The following SPATA6 variants were observed in gnomAD, a reference collection of about 807,000 sequenced individuals.
The protein encoded by SPATA6 is spermatogenesis-associated protein 6.
SPATA6 carries 56 observed loss-of-function variants against 65.3 expected under a neutral mutation model. The ratio of observed to expected loss-of-function variants is 0.86; its 90% confidence interval spans 0.69 to 1.07. The LOEUF is 1.07. Among genes scored for constraint, SPATA6 ranks in the 50% least tolerant of loss-of-function variants. SPATA6 has a pLI of 0.00. For synonymous variants in SPATA6, 199 were observed against 213.2 expected, an observed-to-expected ratio of 0.93 and a Z score of 0.58; for missense variants, 590 against 594.8, an observed-to-expected ratio of 0.99 and a Z score of 0.08.
At chr1:48,450,273 G>A (rs1656441620) in intron 3 of SPATA6, among the ~76,000 whole-genome samples, 1 of 150,972 alleles carries the variant, frequency 6.6e-6, no homozygotes, top group Non-Finnish European at 1.5e-5. Flanking sequence ...TGAAGATAGG[G>A]CAGAGAAAGA....
chr1:48,444,472 C>T (rs1197706831), intron 3 of SPATA6, among the ~76,000 whole-genome samples: 3 of 152,126 alleles, frequency 2.0e-5, no homozygotes, highest in Non-Finnish European at 4.4e-5. Flanking sequence ...CCAATCGGCA[C>T]TCTGTAAAAA....
At chr1:48,353,008 T>C (rs1281424117) in intron 11 of SPATA6, among the ~76,000 whole-genome samples, 1 of 151,536 alleles carries the variant, frequency 6.6e-6, no homozygotes, top group African/African-American at 2.4e-5. Flanking sequence ...AGAATTCTCA[T>C]CCAGGAGTGT....
In SPATA6 at chr1:48,411,662, A is replaced by G. The variant is rs1177770746; in HGVS notation, c.281-74T>C. 6.9e-6 allele frequency: 9 copies of G among 1,301,774 alleles called. No individual in the cohort carries two copies. In the African/African-American group the frequency reaches 1.2e-4, roughly 18 times the overall value. 80.6% of individuals were successfully genotyped at this position (1,301,774 alleles called of 1,614,324 possible). A position where few individuals can be genotyped will look rare whatever the true frequency, so the allele number is the denominator to read the frequency against. ...TAGAAACAAAATCATCAAGTATGAT[A>G]TATCTACTGCCTGATGCCTTATTGA... On this transcript the variant is annotated intron_variant, in intron 4 of 12. Transcript: ENST00000371847.
intron 3 of SPATA6, among the ~76,000 whole-genome samples, chr1:48,423,735 G>A (rs1055233518): frequency 1.3e-5 from 2 of 151,714 alleles, no homozygotes; most frequent in East Asian, 3.9e-4. Context: ...TAGTAGAGAT[G>A]GGGTTTCCAC....
chr1:48,270,412 T>C, the SPATA6 span, among the ~76,000 whole-genome samples: 1 of 152,134 alleles, frequency 6.6e-6, no homozygotes, highest in African/African-American at 2.4e-5. Flanking sequence ...TTTAAAAACA[T>C]ATGAACTATA....
chr1:48,277,791 C>A, the SPATA6 span, among the ~76,000 whole-genome samples: 1 of 152,238 alleles, frequency 6.6e-6, no homozygotes, highest in African/African-American at 2.4e-5. Context: ...CCTCTGCAGA[C>A]TTAAATGTCC....
At position 48,403,824 on chromosome 1, in the gene SPATA6, C is replaced by G. The variant is rs755747708; in HGVS notation, c.464G>C (p.Ser155Thr). Residue 155 changes from serine to threonine, a missense_variant, in exon 6 of 13, where the codon AGT becomes ACT. Transcript: ENST00000371847. The stretch of plus-strand genomic sequence containing the variant: ...AACCTGAGTGTGGCATTTCCTTGAA[C>G]TTATCAGACATTCAGTAATCACTGA... ...TTSVITECLISSRKCHTQDKF... is the reference protein window; with the variant it reads ...TTSVITECLITSRKCHTQDKF... The G allele has an allele frequency of 9.3e-6, 15 of 1,609,026 alleles. No individual in the cohort carries two copies. Among genetic ancestry groups the G allele is most frequent in the Non-Finnish European group, 1.3e-5 (15 of 1,178,060 alleles).
chr1:48,367,460 C>T (rs1647061005), intron 9 of SPATA6, among the ~76,000 whole-genome samples: 1 of 152,172 alleles, frequency 6.6e-6, no homozygotes, highest in Non-Finnish European at 1.5e-5. Flanking sequence ...TCAGGACTTG[C>T]TTTATGAATC....
At chr1:48,410,329 T>A (rs1652097523) in intron 5 of SPATA6, among the ~76,000 whole-genome samples, 1 of 152,216 alleles carries the variant, frequency 6.6e-6, no homozygotes, top group Non-Finnish European at 1.5e-5. Context: ...AACCTCCGTC[T>A]GGACTTCATT....
In SPATA6 at chr1:48,355,812, G is replaced by C; in HGVS notation, c.1095-43C>G. 2.0e-6 allele frequency: 3 copies of C among 1,474,168 alleles called. No individual in the cohort carries two copies. The South Asian group carries it at 3.5e-5, about 17-fold the overall frequency. 91.3% of individuals were successfully genotyped at this position (1,474,168 alleles called of 1,614,324 possible). On this transcript the variant is annotated intron_variant, in intron 10 of 12. Transcript: ENST00000371847. ...GTTTTATTTTTGTTACTAAAATCAG[G>C]TAATGATTCTAAGCTATACTATCAA...
intron 11 of SPATA6, among the ~76,000 whole-genome samples, chr1:48,331,886 C>A (rs111337470): frequency 0.015 from 2,240 of 152,274 alleles, 47 homozygotes; most frequent in African/African-American, 0.05. Context: ...TCAACATAAA[C>A]CCTACAAACC....
chr1:48,334,008 GCA>G (rs1307837052), intron 11 of SPATA6, among the ~76,000 whole-genome samples: 1 of 152,096 alleles, frequency 6.6e-6, no homozygotes, highest in Non-Finnish European at 1.5e-5. Flanking sequence ...ACACCTCTAT[GCA>G]CACAGACTAG....
At chr1:48,369,275 G>A (rs1647148669) in intron 9 of SPATA6, among the ~76,000 whole-genome samples, 1 of 152,202 alleles carries the variant, frequency 6.6e-6, no homozygotes, top group African/African-American at 2.4e-5. Context: ...CCAGTTCTCA[G>A]ATCTCCAGCT....
intron 11 of SPATA6, among the ~76,000 whole-genome samples, chr1:48,320,554 C>G (rs1390893926): frequency 6.6e-6 from 1 of 152,120 alleles, no homozygotes; most frequent in Non-Finnish European, 1.5e-5. Context: ...AAAGACTTTC[C>G]CAGACAAACA....
At chr1:48,411,338 A>G (rs1257441602) in intron 5 of SPATA6, 126 bp downstream of exon 5, 3 of 1,107,210 alleles carry the variant, frequency 2.7e-6, no homozygotes, top group Non-Finnish European at 3.6e-6. Context: ...TTAAACTACA[A>G]AACAATTAAG....
At chr1:48,299,284 C>T (rs1027184812) in intron 12 of SPATA6, among the ~76,000 whole-genome samples, 2 of 151,666 alleles carry the variant, frequency 1.3e-5, no homozygotes, top group East Asian at 1.9e-4. Flanking sequence ...GAGGCTGAGA[C>T]GAGCAAATCA....
At chr1:48,325,080 A>G (rs1645716167) in intron 11 of SPATA6, 2 of 389,002 alleles carry the variant, frequency 5.1e-6, no homozygotes, top group South Asian at 5.0e-5. Context: ...CAAAAATATC[A>G]TATCAGTAAG....
intron 1 of SPATA6, among the ~76,000 whole-genome samples, chr1:48,465,262 A>C (rs898873406): frequency 1.3e-5 from 2 of 152,188 alleles, no homozygotes; most frequent in Non-Finnish European, 2.9e-5. Context: ...AAAAACTAGA[A>C]GAGGCAGGAA....
At position 48,470,882 on chromosome 1, in the gene SPATA6, A is replaced by G. The variant is rs895194450; in HGVS notation, c.51+1076T>C. Among the ~76,000 whole-genome samples the G allele has an allele frequency of 3.3e-5, 5 of 152,094 alleles. No individual in the cohort carries two copies. The South Asian group carries it at 6.2e-4, about 19-fold the overall frequency. On this transcript the variant is annotated intron_variant, in intron 1 of 12. Transcript: ENST00000371847. ...GGAGATCAAACAGAAGGCAATATAC[A>G]TAAGAAGACTTACTGAGTAAGAAGG...
Sources: allele counts gnomAD v4.1 joint callset (sites outside exome capture counted in the v4.1 genomes callset), GRCh38; gene constraint gnomAD v4.1.1; transcripts MANE v1.5; gene names NCBI Gene and HGNC (gene_info 2026-07-23, HGNC 2026-07-21).